ZNF804A: variants seen among roughly 807,000 people sequenced by gnomAD.
ZNF804A encodes zinc finger protein 804A.
ZNF804A carries 2 observed loss-of-function variants against 16.5 expected under a neutral mutation model. The observed-to-expected ratio is 0.12, with a 90% CI of 0.05 to 0.38. ZNF804A has a LOEUF of 0.38. Ranked by LOEUF, ZNF804A falls within the 10% of genes least tolerant of loss-of-function variation. The probability of loss-of-function intolerance (pLI) is 0.99; values close to 1 mark genes in which losing one functional copy is unlikely to be tolerated. For missense variants in ZNF804A, 1,473 were observed against 1,390.7 expected (o/e 1.06, Z -0.94); for synonymous variants, 534 against 489.6 (o/e 1.09, Z -1.20).
chr2:184,929,912 C>T (rs1018330985), intron 2 of ZNF804A, among the ~76,000 whole-genome samples: 21 of 152,100 alleles, frequency 1.4e-4, no homozygotes, highest in African/African-American at 5.1e-4. Context: ...TTCTTGAGCA[C>T]TTCTCTCTCT....
At chr2:184,934,818 G>A (rs1057051443) in intron 3 of ZNF804A, among the ~76,000 whole-genome samples, 22 of 152,002 alleles carry the variant, frequency 1.4e-4, no homozygotes, top group Admixed American at 1.4e-3. Context: ...TGTACACACA[G>A]CCACACATAC....
intron 1 of ZNF804A, among the ~76,000 whole-genome samples, chr2:184,833,535 A>G (rs1695297980): frequency 6.6e-6 from 1 of 152,132 alleles, no homozygotes; most frequent in Non-Finnish European, 1.5e-5. Flanking sequence ...ATGTAGCTAC[A>G]TGTGGCTACT....
intron 1 of ZNF804A, among the ~76,000 whole-genome samples, chr2:184,773,493 GCATT>G (rs772961457): frequency 8.6e-5 from 13 of 151,916 alleles, no homozygotes; most frequent in Non-Finnish European, 1.2e-4. Context: ...GGAAATAATG[GCATT>G]CATAGCAACC....
At chr2:184,603,213 G>C (rs186006412) in intron 1 of ZNF804A, among the ~76,000 whole-genome samples, 358 of 152,188 alleles carry the variant, frequency 2.4e-3, no homozygotes, top group Non-Finnish European at 4.4e-3. Flanking sequence ...ACAAAGCACT[G>C]TTCTAGGCAC....
intron 2 of ZNF804A, among the ~76,000 whole-genome samples, chr2:184,875,740 T>C (rs994066582): frequency 1.3e-5 from 2 of 149,220 alleles, no homozygotes; most frequent in Non-Finnish European, 3.0e-5. Flanking sequence ...TAAAGGTATG[T>C]CACTCTGAAT....
At chr2:184,930,865 G>A (rs1685686927) in intron 2 of ZNF804A, among the ~76,000 whole-genome samples, 1 of 152,100 alleles carries the variant, frequency 6.6e-6, no homozygotes, top group Admixed American at 6.5e-5. Context: ...GTAACTAGTG[G>A]TATTAGTTCA....
intron 1 of ZNF804A, among the ~76,000 whole-genome samples, chr2:184,758,131 C>G (rs1051213168): frequency 2.0e-5 from 3 of 151,934 alleles, no homozygotes; most frequent in African/African-American, 7.2e-5. Context: ...GGAAATTTGA[C>G]ATCTCTTTTG....
chr2:184,659,588 A>C lies in ZNF804A; in HGVS notation c.111+60518A>C, dbSNP rs1296201653. On this transcript the variant is annotated intron_variant, in intron 1 of 3. Transcript: ENST00000302277. The stretch of plus-strand genomic sequence containing the variant: ...ATTTTCAGTTTATCAAAATTGTAAA[A>C]ACCCACAAAGTCTCATATATACATG... 2.6e-5 allele frequency among the ~76,000 whole-genome samples: 4 copies of C among 152,098 alleles called. No individual in the cohort carries two copies. In the East Asian group the frequency reaches 7.7e-4, roughly 29 times the overall value.
intron 1 of ZNF804A, among the ~76,000 whole-genome samples, chr2:184,717,823 C>T (rs770541997): frequency 2.6e-5 from 4 of 152,180 alleles, no homozygotes; most frequent in South Asian, 4.1e-4. Flanking sequence ...TTGTTTTTAA[C>T]GTTTCAAGTC....
chr2:184,698,214 T>C (rs1692865281), intron 1 of ZNF804A, among the ~76,000 whole-genome samples: 3 of 152,074 alleles, frequency 2.0e-5, no homozygotes. Flanking sequence ...ATATGATGTA[T>C]ACAGTTTAGT....
At chr2:184,625,483 T>C (rs1002765644) in intron 1 of ZNF804A, among the ~76,000 whole-genome samples, 2 of 152,110 alleles carry the variant, frequency 1.3e-5, no homozygotes, top group African/African-American at 4.8e-5. Context: ...TGACTTAGTA[T>C]ATGTTTCATT....
At chr2:184,725,814 A>G (rs1403743183) in intron 1 of ZNF804A, among the ~76,000 whole-genome samples, 3 of 151,220 alleles carry the variant, frequency 2.0e-5, no homozygotes, top group Non-Finnish European at 4.4e-5. Flanking sequence ...CCTACTCATC[A>G]CTGCTAATCC....
chr2:184,845,238 G>GACTGTTTTT (rs1415674586), intron 1 of ZNF804A, among the ~76,000 whole-genome samples: 1 of 151,838 alleles, frequency 6.6e-6, no homozygotes, highest in Non-Finnish European at 1.5e-5. Context: ...TTTTTCTTCA[G>GACTGTTTTT]ACTGTTTTTT....
intron 1 of ZNF804A, among the ~76,000 whole-genome samples, chr2:184,650,689 A>G (rs1691967841): frequency 6.7e-6 from 1 of 148,912 alleles, no homozygotes; most frequent in African/African-American, 2.4e-5. Context: ...ACAATAGCTA[A>G]AACTGAAACA....
intron 1 of ZNF804A, among the ~76,000 whole-genome samples, chr2:184,810,826 C>A (rs1694887553): frequency 6.6e-6 from 1 of 151,980 alleles, no homozygotes; most frequent in Admixed American, 6.6e-5. Context: ...ATCAAATACA[C>A]TAAAAACCAT....
chr2:184,892,693 G>A (rs1685006820), intron 2 of ZNF804A, among the ~76,000 whole-genome samples: 1 of 151,958 alleles, frequency 6.6e-6, no homozygotes, highest in Non-Finnish European at 1.5e-5. Flanking sequence ...CTGTTGGCCA[G>A]GCTGGTCTGG....
intron 1 of ZNF804A, among the ~76,000 whole-genome samples, chr2:184,736,591 G>C (rs1165482945): frequency 6.6e-6 from 1 of 152,008 alleles, no homozygotes; most frequent in South Asian, 2.1e-4. Context: ...TGGGTGGTGG[G>C]GACGAGGGGA....
intron 2 of ZNF804A, among the ~76,000 whole-genome samples, chr2:184,889,550 A>G (rs902229091): frequency 2.0e-5 from 3 of 151,992 alleles, no homozygotes; most frequent in African/African-American, 7.2e-5. Context: ...AAAAAATAAT[A>G]ACATTTGAAA....
At chr2:184,710,489 C>T (rs1693108163) in intron 1 of ZNF804A, among the ~76,000 whole-genome samples, 1 of 151,514 alleles carries the variant, frequency 6.6e-6, no homozygotes. Flanking sequence ...AAATTTTACC[C>T]TTTCTTTCTT....
Sources: allele counts gnomAD v4.1 joint callset (sites outside exome capture counted in the v4.1 genomes callset), GRCh38; gene constraint gnomAD v4.1.1; transcripts MANE v1.5; gene names NCBI Gene and HGNC (gene_info 2026-07-23, HGNC 2026-07-21).